DLG2: variants seen among roughly 807,000 people sequenced by gnomAD.
DLG2 encodes the protein discs large MAGUK scaffold protein 2.
In DLG2, 45 loss-of-function variants were observed where a neutral mutation model predicts 132.5. The ratio of observed to expected loss-of-function variants is 0.34; its 90% confidence interval spans 0.27 to 0.44. The LOEUF (loss-of-function observed/expected upper bound fraction) is 0.44. Among genes scored for constraint, DLG2 ranks in the 20% least tolerant of loss-of-function variants. DLG2 has a pLI of 1.00. For synonymous variants in DLG2, 424 were observed against 419.6 expected (o/e 1.01, Z -0.13); for missense variants, 1,045 against 1,196.9 (o/e 0.87, Z 1.87).
intron 19 of DLG2, among the ~76,000 whole-genome samples, chr11:83,569,545 T>C (rs964104172): frequency 6.6e-6 from 1 of 152,210 alleles, no homozygotes; most frequent in African/African-American, 2.4e-5. Context: ...CTTTAGGTTA[T>C]ACAAAAGCCT....
At chr11:85,399,442 T>A (rs1353948446) in intron 3 of DLG2, among the ~76,000 whole-genome samples, 1 of 152,266 alleles carries the variant, frequency 6.6e-6, no homozygotes, top group East Asian at 1.9e-4. Flanking sequence ...TTAAAGTTCA[T>A]ATGGAACCAA....
At chr11:84,742,994 C>G (rs1280255494) in intron 6 of DLG2, among the ~76,000 whole-genome samples, 1 of 152,156 alleles carries the variant, frequency 6.6e-6, no homozygotes, top group South Asian at 2.1e-4. Context: ...AAAATATATA[C>G]TGACACATAT....
rs535005980 is a variant in DLG2, at chr11:83,766,250, C to T, written c.1825+20440G>A. Reference sequence around the variant, plus strand: ...CTGGGACTACAGGCACGTGCCACCACACCTGGCTAATTTTTTGTATTTTTA... The same window carrying T: ...CTGGGACTACAGGCACGTGCCACCATACCTGGCTAATTTTTTGTATTTTTA... On this transcript the variant is annotated intron_variant, in intron 18 of 27. Coordinates refer to ENST00000376104, the MANE Select transcript of DLG2 (RefSeq NM_001142699.3). Among the ~76,000 whole-genome samples, 14 of 152,146 alleles carry T rather than the reference C, an allele frequency of 9.2e-5. No homozygotes were observed. The South Asian group carries it at 2.9e-3, about 32-fold the overall frequency.
chr11:84,807,074 A>ATTG (rs1325974722), intron 6 of DLG2, among the ~76,000 whole-genome samples: 1 of 152,180 alleles, frequency 6.6e-6, no homozygotes. Context: ...GATTGCAAAA[A>ATTG]TTGTTCAAGT....
chr11:84,845,654 C>T (rs2081364998), intron 6 of DLG2, among the ~76,000 whole-genome samples: 2 of 151,074 alleles, frequency 1.3e-5, no homozygotes, highest in Admixed American at 1.3e-4. Context: ...TGAAACACTT[C>T]CTTCATTTGA....
At chr11:84,622,351 T>C (rs1266389201) in intron 6 of DLG2, among the ~76,000 whole-genome samples, 1 of 152,198 alleles carries the variant, frequency 6.6e-6, no homozygotes, top group Non-Finnish European at 1.5e-5. Flanking sequence ...TAGAATGCTA[T>C]ACAACATGCT....
chr11:83,486,886 A>C (rs1312311368), intron 21 of DLG2, among the ~76,000 whole-genome samples: 2 of 152,256 alleles, frequency 1.3e-5, no homozygotes, highest in South Asian at 4.1e-4. Flanking sequence ...CAACTATAAG[A>C]GAGACTATAT....
chr11:85,400,966 T>C (rs2088024992), intron 3 of DLG2, among the ~76,000 whole-genome samples: 1 of 147,794 alleles, frequency 6.8e-6, no homozygotes, highest in Non-Finnish European at 1.5e-5. Context: ...AAAGAGGGAA[T>C]TCTCCCAAAC....
intron 9 of DLG2, among the ~76,000 whole-genome samples, chr11:84,145,799 T>C (rs1345749231): frequency 6.6e-6 from 1 of 151,968 alleles, no homozygotes; most frequent in Admixed American, 6.6e-5. Context: ...AAGGCTGGAG[T>C]CAGCAGCTGA....
chr11:83,769,356 T>C (rs1180381235), intron 18 of DLG2, among the ~76,000 whole-genome samples: 1 of 152,192 alleles, frequency 6.6e-6, no homozygotes, highest in Admixed American at 6.5e-5. Flanking sequence ...CAAACATTTA[T>C]TGACTTCCTA....
chr11:84,715,063 C>T lies in DLG2; in HGVS notation c.358-180332G>A, dbSNP rs190763124. 2.6e-4 allele frequency among the ~76,000 whole-genome samples: 39 copies of T among 152,030 alleles called. No homozygotes were observed. In the South Asian group the frequency reaches 3.1e-3, roughly 12 times the overall value. On this transcript the variant is annotated intron_variant, in intron 6 of 27. Coordinates refer to ENST00000376104, the MANE Select transcript of DLG2 (RefSeq NM_001142699.3). ...AGGGTTAGGGCAGTTACAAAAGGTC[C>T]AAATACTCACCAGAAAAAAATAAAA...
chr11:85,259,439 T>C (rs969127508), intron 4 of DLG2, among the ~76,000 whole-genome samples: 3 of 152,114 alleles, frequency 2.0e-5, no homozygotes, highest in Admixed American at 6.5e-5. Flanking sequence ...CAGTTCTTTA[T>C]AGCAATGCAA....
intron 8 of DLG2, among the ~76,000 whole-genome samples, chr11:84,220,781 T>TA (rs2096902926): frequency 1.3e-4 from 1 of 7,484 alleles, no homozygotes; most frequent in Non-Finnish European, 4.0e-4. Flanking sequence ...TTTTCTTTTC[T>TA]TTTTTTTTTT....
At chr11:83,472,804 A>G (rs1355499563) in intron 22 of DLG2, 27 bp from the exon 23 acceptor site, 2 of 1,598,378 alleles carry the variant, frequency 1.3e-6, no homozygotes, top group Middle Eastern at 1.7e-4. Flanking sequence ...AGAAAACCAC[A>G]GTGAACTAAC....
At chr11:85,345,514 A>G (rs2082771745) in intron 3 of DLG2, among the ~76,000 whole-genome samples, 1 of 152,130 alleles carries the variant, frequency 6.6e-6, no homozygotes, top group Admixed American at 6.5e-5. Flanking sequence ...GACATACAGA[A>G]GTTGAGGAAT....
intron 9 of DLG2, among the ~76,000 whole-genome samples, chr11:84,134,100 C>CAA (rs2094516426): frequency 6.6e-6 from 1 of 151,964 alleles, no homozygotes; most frequent in Admixed American, 6.6e-5. Flanking sequence ...AATTCAGCTA[C>CAA]AAAAGATACT....
intron 4 of DLG2, among the ~76,000 whole-genome samples, chr11:85,164,481 C>A (rs1057272018): frequency 1.3e-5 from 2 of 152,100 alleles, no homozygotes; most frequent in African/African-American, 2.4e-5. Flanking sequence ...ATGTTTCCAC[C>A]GTTACTTCAT....
chr11:83,838,875 G>A (rs1425494594), intron 16 of DLG2, among the ~76,000 whole-genome samples: 1 of 151,992 alleles, frequency 6.6e-6, no homozygotes, highest in Non-Finnish European at 1.5e-5. Context: ...TATCAAAAAT[G>A]GGAAAATGAA....
intron 11 of DLG2, among the ~76,000 whole-genome samples, chr11:84,054,617 T>G (rs375264233): frequency 6.6e-6 from 1 of 152,204 alleles, no homozygotes; most frequent in South Asian, 2.1e-4. Context: ...AAATCACCAA[T>G]GAGATGATTG....
Sources: allele counts gnomAD v4.1 joint callset (sites outside exome capture counted in the v4.1 genomes callset), GRCh38; gene constraint gnomAD v4.1.1; transcripts MANE v1.5; gene names NCBI Gene and HGNC (gene_info 2026-07-23, HGNC 2026-07-21).